Variants in RPRD1B observed in about 807,000 individuals in gnomAD.
RPRD1B encodes regulation of nuclear pre-mRNA domain containing 1B.
A neutral mutation model predicts 41.5 loss-of-function variants in RPRD1B; 11 were observed. The observed-to-expected ratio is 0.27, with a 90% CI of 0.17 to 0.44. RPRD1B has a LOEUF of 0.44. RPRD1B is among the 20% of genes least tolerant of loss of function. RPRD1B has a pLI of 1.00. For missense variants in RPRD1B, 248 were observed against 389.9 expected, an observed-to-expected ratio of 0.64 and a Z score of 3.06; for synonymous variants, 158 against 155.6, an observed-to-expected ratio of 1.02 and a Z score of -0.12.
intron 4 of RPRD1B, among the ~76,000 whole-genome samples, chr20:38,059,038 A>C (rs2074271115): frequency 6.6e-6 from 1 of 152,136 alleles, no homozygotes; most frequent in South Asian, 2.1e-4. Context: ...TTAACATCTG[A>C]TATTTATACC....
At chr20:38,046,986 A>G (rs1256187870) in intron 2 of RPRD1B, among the ~76,000 whole-genome samples, 1 of 152,216 alleles carries the variant, frequency 6.6e-6, no homozygotes, top group East Asian at 1.9e-4. Flanking sequence ...GGTGGAAGCG[A>G]GGAGACCAGT....
At chr20:38,067,419 G>C (rs1160504975) in intron 6 of RPRD1B, among the ~76,000 whole-genome samples, 1 of 152,212 alleles carries the variant, frequency 6.6e-6, no homozygotes, top group Non-Finnish European at 1.5e-5. Context: ...ATCCCACTCA[G>C]AGTAGACAAG....
rs2074255696 is a variant in RPRD1B, at chr20:38,057,536, A to G, written c.420A>G (p.Thr140=). 1 of 1,611,748 alleles carries G rather than the reference A, an allele frequency of 6.2e-7. No individual in the cohort carries two copies. The change falls in exon 4 of 7, where the codon ACA becomes ACG. Residue 140 remains threonine, a synonymous_variant. Transcript: ENST00000373433. The part of the protein sequence containing the change: ...EDSKSPPPKA[T]EEKKSLKRTF... ...ATTACTTTCTCTTTTGTCTAGCAAC[A>G]GAAGAGAAGAAATCTCTGAAACGAA...
At chr20:38,042,187 C>A (rs2074073398) in intron 2 of RPRD1B, among the ~76,000 whole-genome samples, 3 of 152,064 alleles carry the variant, frequency 2.0e-5, no homozygotes, top group African/African-American at 7.2e-5. Flanking sequence ...CCTGTGTCTA[C>A]AAAAAATTTT....
At chr20:38,039,735 C>CT (rs11316507) in intron 1 of RPRD1B, among the ~76,000 whole-genome samples, 336 of 136,640 alleles carry the variant, frequency 2.5e-3, no homozygotes, top group East Asian at 5.2e-3. Flanking sequence ...CTAACTCAGT[C>CT]TTTTTTTTTT....
chr20:38,034,182 A>T, intron 1 of RPRD1B, 84 bp downstream of exon 1: 3 of 1,422,084 alleles, frequency 2.1e-6, no homozygotes, highest in Non-Finnish European at 2.9e-6. Context: ...AAGCCTCTTC[A>T]TTGAGCCTTG....
At chr20:38,037,680 G>C (rs6022547) in intron 1 of RPRD1B, among the ~76,000 whole-genome samples, 1 of 151,900 alleles carries the variant, frequency 6.6e-6, no homozygotes, top group South Asian at 2.1e-4. Context: ...AATATGGAGG[G>C]ATACAGTTTA....
chr20:38,058,216 G>A (rs1035900785), intron 4 of RPRD1B, among the ~76,000 whole-genome samples: 25 of 152,080 alleles, frequency 1.6e-4, no homozygotes, highest in African/African-American at 5.3e-4. Context: ...AAATCCAGGT[G>A]TGTCTGACTT....
At chr20:38,043,783 A>G (rs1379182337) in intron 2 of RPRD1B, among the ~76,000 whole-genome samples, 1 of 152,208 alleles carries the variant, frequency 6.6e-6, no homozygotes, top group Non-Finnish European at 1.5e-5. Flanking sequence ...TTTTTGATGT[A>G]AGGAATGACT....
At chr20:38,036,103 C>G (rs1000328130) in intron 1 of RPRD1B, among the ~76,000 whole-genome samples, 1 of 152,030 alleles carries the variant, frequency 6.6e-6, no homozygotes, top group Non-Finnish European at 1.5e-5. Context: ...GATTCCTTGC[C>G]TCACCCTAGT....
chr20:38,061,872 C>T (rs2074301063), intron 5 of RPRD1B, among the ~76,000 whole-genome samples: 4 of 152,170 alleles, frequency 2.6e-5, no homozygotes, highest in South Asian at 2.1e-4. Context: ...CCCCCCACCC[C>T]GCAAACACCC....
At chr20:38,066,320 G>A in intron 6 of RPRD1B, 64 bp downstream of exon 6, 1 of 1,456,468 alleles carries the variant, frequency 6.9e-7, no homozygotes, top group Non-Finnish European at 9.4e-7. Flanking sequence ...ACATTAGGAG[G>A]TTTTTATTAT....
chr20:38,066,725 G>A (rs1455365270), intron 6 of RPRD1B, among the ~76,000 whole-genome samples: 4 of 151,856 alleles, frequency 2.6e-5, no homozygotes, highest in Non-Finnish European at 4.4e-5. Context: ...GTGCGATCTC[G>A]GCTCACTGCA....
chr20:38,044,600 T>G (rs564268570), intron 2 of RPRD1B, among the ~76,000 whole-genome samples: 1 of 152,274 alleles, frequency 6.6e-6, no homozygotes, highest in South Asian at 2.1e-4. Flanking sequence ...GGTCTTGATC[T>G]CCTGACCTTG....
chr20:38,038,769 A>T (rs1317569582), intron 1 of RPRD1B, among the ~76,000 whole-genome samples: 1 of 152,046 alleles, frequency 6.6e-6, no homozygotes, highest in East Asian at 1.9e-4. Context: ...GAGTGCTGGG[A>T]TTACAGGCGT....
At chr20:38,038,326 A>C (rs1180343608) in intron 1 of RPRD1B, among the ~76,000 whole-genome samples, 1 of 111,996 alleles carries the variant, frequency 8.9e-6, no homozygotes, top group Non-Finnish European at 1.8e-5. Context: ...TTTTTTTTTG[A>C]GACGGAGTCT....
rs1191476372 is a variant in RPRD1B at position 38,090,100 on chromosome 20, A to G, written c.*225A>G. 8.0e-7 allele frequency: 1 copy of G among 1,252,530 alleles called. No individual in the cohort carries two copies. 77.6% of individuals were successfully genotyped at this position (1,252,530 alleles called of 1,614,324 possible). On this transcript the variant is annotated 3_prime_UTR_variant, in exon 7 of 7. Transcript: ENST00000373433. The stretch of plus-strand genomic sequence containing the variant: ...GTTTATATTCATATTTGCAAAGACT[A>G]CAGACTTTTTCTCCCACTTCATATT...
rs573875926 is a variant in RPRD1B, at chr20:38,066,364, T to A, written c.831+108T>A. ...TAACAACATTTTTATCGTTTAAAAA[T>A]TCATGATGTGAATTCTGAACATCCA... is the stretch of plus-strand genomic sequence containing the variant. On this transcript the variant is annotated intron_variant, in intron 6 of 6. Coordinates refer to ENST00000373433, the MANE Select transcript of RPRD1B (RefSeq NM_021215.4). 7.1e-5 allele frequency: 76 copies of A among 1,065,374 alleles called. No homozygotes were observed. The East Asian group carries it at 1.9e-3, about 26-fold the overall frequency. The allele number at this position is 1,065,374 out of a possible 1,614,324, so 66.0% of individuals were successfully genotyped here.
Position 38,090,231 on chromosome 20 carries a change from A to C in RPRD1B, c.*356A>C. ...AGCTTTCGAAAGAATCTTGTCCCTC[A>C]TGACAGCATTTTATCATGAAAGCAG... On this transcript the variant is annotated 3_prime_UTR_variant, in exon 7 of 7. Coordinates refer to ENST00000373433, the MANE Select transcript of RPRD1B (RefSeq NM_021215.4). 1.0e-6 allele frequency: 1 copy of C among 999,284 alleles called. No homozygotes were observed. The highest frequency in any genetic ancestry group is 1.2e-6 in the Non-Finnish European group (1 of 838,724). 61.9% of individuals were successfully genotyped at this position (999,284 alleles called of 1,614,324 possible).
Sources: allele counts gnomAD v4.1 joint callset (sites outside exome capture counted in the v4.1 genomes callset), GRCh38; gene constraint gnomAD v4.1.1; transcripts MANE v1.5; gene names NCBI Gene and HGNC (gene_info 2026-07-23, HGNC 2026-07-21).